RARS2: variants seen among roughly 807,000 people sequenced by gnomAD.
The protein encoded by RARS2 is arginyl-tRNA synthetase 2, mitochondrial.
A neutral mutation model predicts 88.5 loss-of-function variants in RARS2; 67 were observed. The observed-to-expected ratio is 0.76, with a 90% CI of 0.62 to 0.93. The LOEUF is 0.93. RARS2 is among the 40% of genes least tolerant of loss of function. RARS2 has a pLI of 0.00. For synonymous variants in RARS2, 239 were observed against 230.3 expected, an observed-to-expected ratio of 1.04 and a Z score of -0.34; for missense variants, 664 against 684.2, an observed-to-expected ratio of 0.97 and a Z score of 0.33.
chr6:87,534,639 CAG>C (rs912993148), intron 8 of RARS2, among the ~76,000 whole-genome samples: 4 of 152,042 alleles, frequency 2.6e-5, no homozygotes, highest in African/African-American at 7.2e-5. Context: ...CCCAAATAAG[CAG>C]AGAGAGAGTA....
Position 87,572,387 on chromosome 6 carries a change from C to T in RARS2, c.37-2797G>A, listed in dbSNP as rs115803331. Among the ~76,000 whole-genome samples, 766 of 152,086 alleles carry T rather than the reference C, an allele frequency of 5.0e-3. 10 individuals carry two copies. The highest frequency in any genetic ancestry group is 0.018 in the African/African-American group (740 of 41,490). On this transcript the variant is annotated intron_variant, in intron 1 of 19. Transcript: ENST00000369536. ...GATTTTATGTCTATCTTAAATATAA[C>T]AATTCGGCTGAAAAAAACTCAGTTA...
At chr6:87,521,733 T>C (rs549437936) in intron 11 of RARS2, among the ~76,000 whole-genome samples, 1 of 152,054 alleles carries the variant, frequency 6.6e-6, no homozygotes, top group South Asian at 2.1e-4. Context: ...ATAAAAACAC[T>C]GGGAAAAGCA....
At position 87,524,537 on chromosome 6, in the gene RARS2, C is replaced by A; in HGVS notation, c.974+20G>T. ...CAACAGATTTAGAACCAAATGTTGA[C>A]CCTCACAGAGGCTACAAACCTGGTT... On this transcript the variant is annotated intron_variant, in intron 11 of 19. Transcript: ENST00000369536. 6.4e-7 allele frequency: 1 copy of A among 1,553,730 alleles called. No individual in the cohort carries two copies. Among genetic ancestry groups the A allele is most frequent in the African/African-American group, 1.4e-5 (1 of 73,612 alleles).
At chr6:87,550,737 A>G (rs1784070938) in intron 5 of RARS2, among the ~76,000 whole-genome samples, 1 of 151,072 alleles carries the variant, frequency 6.6e-6, no homozygotes, top group African/African-American at 2.4e-5. Context: ...ATAGAATACA[A>G]TGGAACAATA....
chr6:87,572,711 A>AC (rs1180536229), intron 1 of RARS2, among the ~76,000 whole-genome samples: 1 of 152,112 alleles, frequency 6.6e-6, no homozygotes, highest in Non-Finnish European at 1.5e-5. Context: ...ACTCCAAGGA[A>AC]CTGCGCCACC....
chr6:87,576,279 T>TTC (rs1771509277), intron 1 of RARS2, among the ~76,000 whole-genome samples: 1 of 95,150 alleles, frequency 1.1e-5, no homozygotes, highest in African/African-American at 4.2e-5. Flanking sequence ...AATTTCTTTT[T>TTC]TTTTTTTTTT....
intron 1 of RARS2, among the ~76,000 whole-genome samples, chr6:87,586,017 G>C (rs35972482): frequency 0.032 from 4,874 of 152,306 alleles, 105 homozygotes; most frequent in Middle Eastern, 0.054. Context: ...GGAAGTTGAA[G>C]AAGTTAAGGT....
chr6:87,560,007 G>A (rs549282743), intron 4 of RARS2, among the ~76,000 whole-genome samples: 8 of 152,312 alleles, frequency 5.3e-5, no homozygotes, highest in East Asian at 1.9e-4. Context: ...GCCTAGGTCC[G>A]TGTAGTCGGT....
At chr6:87,519,729 TAACTG>T (rs777292942) in intron 13 of RARS2, 22 bp from the exon 14 acceptor site, 41 of 1,613,722 alleles carry the variant, frequency 2.5e-5, no homozygotes, top group Non-Finnish European at 3.3e-5. Context: ...GGCATCTAGT[TAACTG>T]AAAGCTAAAC....
chr6:87,537,633 G>T (rs184818517), intron 8 of RARS2, among the ~76,000 whole-genome samples: 135 of 152,238 alleles, frequency 8.9e-4, no homozygotes, highest in Non-Finnish European at 1.7e-3. Context: ...GATAAGGAAG[G>T]TAAGGAAGAC....
intron 11 of RARS2, among the ~76,000 whole-genome samples, chr6:87,523,188 AAAG>A (rs1774524155): frequency 6.6e-6 from 1 of 152,340 alleles, no homozygotes; most frequent in East Asian, 1.9e-4. Context: ...AAAAAACAAA[AAAG>A]AATAAGAAAA....
chr6:87,578,685 G>A (rs530831475), intron 1 of RARS2, among the ~76,000 whole-genome samples: 44 of 152,074 alleles, frequency 2.9e-4, no homozygotes, highest in Non-Finnish European at 4.3e-4. Context: ...TTGGCTGGAC[G>A]CAGTGGCTTG....
chr6:87,576,569 C>A (rs192510768), intron 1 of RARS2, among the ~76,000 whole-genome samples: 1 of 151,558 alleles, frequency 6.6e-6, no homozygotes, highest in African/African-American at 2.4e-5. Flanking sequence ...AGCCACCGCG[C>A]CCGGCCAACA....
chr6:87,518,999 A>T lies in RARS2; in HGVS notation c.1238-108T>A. 2.8e-6 allele frequency: 3 copies of T among 1,059,924 alleles called. No homozygotes were observed. The South Asian group carries it at 3.8e-5, about 13-fold the overall frequency. The allele number at this position is 1,059,924 out of a possible 1,614,324, so 65.7% of individuals were successfully genotyped here. A position where few individuals can be genotyped will look rare whatever the true frequency, so the allele number is the denominator to read the frequency against. On this transcript the variant is annotated intron_variant, in intron 14 of 19. Coordinates refer to ENST00000369536, the MANE Select transcript of RARS2 (RefSeq NM_020320.5). The stretch of plus-strand genomic sequence containing the variant: ...AATGTATGCTGACAATCAAGAACAG[A>T]TTCAGAATGAGTAATTACTTGCCTA...
At chr6:87,566,974 G>A (rs533187205) in intron 2 of RARS2, among the ~76,000 whole-genome samples, 1 of 152,162 alleles carries the variant, frequency 6.6e-6, no homozygotes, top group African/African-American at 2.4e-5. Context: ...TGAGGCAGGC[G>A]CATGTTGCCC....
At chr6:87,580,555 A>T (rs1773172846) in intron 1 of RARS2, among the ~76,000 whole-genome samples, 2 of 150,196 alleles carry the variant, frequency 1.3e-5, no homozygotes, top group Admixed American at 1.3e-4. Context: ...CGGGTGGATT[A>T]CCTGAGGTCA....
intron 4 of RARS2, 53 bp downstream of exon 4, chr6:87,562,649 G>A: frequency 7.4e-7 from 1 of 1,356,960 alleles, no homozygotes; most frequent in Non-Finnish European, 1.1e-6. Flanking sequence ...AGACCACTGT[G>A]GCTGAAGCAG....
At chr6:87,578,905 A>G (rs977818902) in intron 1 of RARS2, among the ~76,000 whole-genome samples, 1 of 128,282 alleles carries the variant, frequency 7.8e-6, no homozygotes, top group Non-Finnish European at 1.6e-5. Context: ...GGTTGCAGTG[A>G]GCTGAGATCG....
intron 8 of RARS2, among the ~76,000 whole-genome samples, chr6:87,536,921 T>C (rs1392562084): frequency 6.6e-6 from 1 of 152,150 alleles, no homozygotes; most frequent in Admixed American, 6.5e-5. Context: ...ACAAAACAGC[T>C]AGATGTCATG....
Sources: gnomAD v4.1 joint callset for allele counts (sites outside exome capture counted in the v4.1 genomes callset) on GRCh38, gnomAD v4.1.1 for gene constraint, MANE v1.5 for transcripts, NCBI Gene and HGNC (gene_info 2026-07-23, HGNC 2026-07-21) for gene names.